Variants in CSMD1 observed in about 807,000 individuals in gnomAD.
CSMD1 encodes the protein CUB and Sushi multiple domains 1.
CSMD1 carries 213 observed loss-of-function variants against 417.5 expected under a neutral mutation model. That is an observed-to-expected ratio of 0.51 (90% CI 0.46 to 0.57). CSMD1 has a LOEUF of 0.57. CSMD1 is among the 20% of genes least tolerant of loss of function. CSMD1 has a pLI of 0.00. For synonymous variants in CSMD1, 2,862 were observed against 1,736.8 expected (o/e 1.65, Z -16.11); for missense variants, 6,923 against 4,529.7 (o/e 1.53, Z -15.17).
chr8:3,506,515 G>A (rs992524881), intron 10 of CSMD1, among the ~76,000 whole-genome samples: 4 of 152,168 alleles, frequency 2.6e-5, no homozygotes, highest in Admixed American at 6.5e-5. Context: ...AATGCTCTAT[G>A]GAGCAGCAGT....
chr8:3,307,797 G>A lies in CSMD1; in HGVS notation c.3848C>T (p.Ala1283Val), dbSNP rs766641974. 3 of 1,613,436 alleles carry A rather than the reference G, an allele frequency of 1.9e-6. No individual in the cohort carries two copies. The highest frequency in any genetic ancestry group is 2.2e-5 in the East Asian group (1 of 44,832). Residue 1283 changes from alanine (A) to valine (V), a missense_variant, in exon 25 of 70, where the codon GCA becomes GTA. Coordinates refer to ENST00000635120, the MANE Select transcript of CSMD1 (RefSeq NM_033225.6). ...GGACAATATTCGTCCTGATGTGGCT[G>A]CATGGATCTGACCACCACATTCCGC... ...CIAECGGQIH[A>V]ATSGRILSPG...
chr8:4,774,088 T>C (rs1425833592), intron 1 of CSMD1, among the ~76,000 whole-genome samples: 1 of 152,220 alleles, frequency 6.6e-6, no homozygotes, highest in African/African-American at 2.4e-5. Flanking sequence ...TCCCAGCTAC[T>C]CAGGAGGCTG....
chr8:4,533,234 G>A (rs1414769038), intron 2 of CSMD1, among the ~76,000 whole-genome samples: 1 of 152,184 alleles, frequency 6.6e-6, no homozygotes, highest in African/African-American at 2.4e-5. Context: ...GCTCAGTGGT[G>A]CTCCAAGAAG....
intron 64 of CSMD1, 128 bp from the exon 65 acceptor site, chr8:2,954,396 A>T: frequency 1.8e-6 from 1 of 551,050 alleles, no homozygotes; most frequent in Non-Finnish European, 3.2e-6. Context: ...TGAATACCTT[A>T]TACATATACA....
chr8:3,289,837 A>C (rs7829759), intron 25 of CSMD1, among the ~76,000 whole-genome samples: 130,014 of 146,622 alleles, frequency 0.89, 59,157 homozygotes, highest in Middle Eastern at 0.94. Flanking sequence ...TTAATTAGAT[A>C]CCATTTGTCA....
At chr8:3,952,488 A>C (rs1443640455) in intron 5 of CSMD1, among the ~76,000 whole-genome samples, 1 of 152,234 alleles carries the variant, frequency 6.6e-6, no homozygotes, top group African/African-American at 2.4e-5. Flanking sequence ...ACTTTCTAGT[A>C]CTAACAGATA....
intron 46 of CSMD1, among the ~76,000 whole-genome samples, chr8:3,102,803 T>C (rs1051936762): frequency 2.0e-5 from 3 of 152,236 alleles, no homozygotes; most frequent in African/African-American, 7.2e-5. Flanking sequence ...AGCGCCTTTA[T>C]ACAAAGCCTG....
At chr8:4,391,069 T>A (rs1803818100) in intron 3 of CSMD1, among the ~76,000 whole-genome samples, 1 of 152,316 alleles carries the variant, frequency 6.6e-6, no homozygotes, top group African/African-American at 2.4e-5. Context: ...CTAGGGTCGT[T>A]GTCTAGATCC....
At chr8:4,464,714 G>A (rs561530827) in intron 2 of CSMD1, among the ~76,000 whole-genome samples, 329 of 152,014 alleles carry the variant, frequency 2.2e-3, no homozygotes, top group Non-Finnish European at 3.2e-3. Context: ...GTGTTTTAAT[G>A]TATCTACACT....
At position 3,473,909 on chromosome 8, in the gene CSMD1, G is replaced by C. The variant is rs1186888545; in HGVS notation, c.1449-5085C>G. 2.0e-5 allele frequency among the ~76,000 whole-genome samples: 3 copies of C among 152,196 alleles called. No homozygotes were observed. The South Asian group carries it at 6.2e-4, about 32-fold the overall frequency. ...ATGGTAGAGGGTGAAAGGGAAGCAA[G>C]GCACGTCTTACATGGCAGGAGGAGA... On this transcript the variant is annotated intron_variant, in intron 11 of 69. Coordinates refer to ENST00000635120, the MANE Select transcript of CSMD1 (RefSeq NM_033225.6).
At position 4,362,927 on chromosome 8, in the gene CSMD1, T is replaced by G. The variant is rs140140093; in HGVS notation, c.415+57026A>C. 8.1e-4 allele frequency among the ~76,000 whole-genome samples: 123 copies of G among 152,330 alleles called. 4 individuals carry two copies. The East Asian group carries it at 0.022, about 28-fold the overall frequency. ...AAATGTAAAAGATTATTTCTTAAAC[T>G]GTTAGGACAAGTCTATGTAATTTAA... On this transcript the variant is annotated intron_variant, in intron 3 of 69. Transcript: ENST00000635120.
chr8:4,160,206 C>G (rs1170026022), intron 3 of CSMD1, among the ~76,000 whole-genome samples: 1 of 151,980 alleles, frequency 6.6e-6, no homozygotes, highest in East Asian at 1.9e-4. Context: ...TTTTATATAG[C>G]AAAAATCTGG....
chr8:4,234,334 G>A (rs1187213512), intron 3 of CSMD1, among the ~76,000 whole-genome samples: 1 of 152,126 alleles, frequency 6.6e-6, no homozygotes, highest in Non-Finnish European at 1.5e-5. Flanking sequence ...TTAGAAATGG[G>A]CCGAGGCTCC....
intron 1 of CSMD1, among the ~76,000 whole-genome samples, chr8:4,742,088 T>G (rs1810650038): frequency 7.7e-6 from 1 of 129,614 alleles, no homozygotes; most frequent in Non-Finnish European, 1.6e-5. Context: ...TGGAGTGCAG[T>G]GGCGCAATCT....
At position 3,023,847 on chromosome 8, in the gene CSMD1, G is replaced by T. The variant is rs1221788658; in HGVS notation, c.7856-5197C>A. 2.1e-5 allele frequency among the ~76,000 whole-genome samples: 3 copies of T among 145,670 alleles called. No individual in the cohort carries two copies. The East Asian group carries it at 6.0e-4, about 29-fold the overall frequency. ...GCAGGGCCACTCTAAAATGAACACT[G>T]GGGAGTCAAAAAAAAAAAAAAAAGG... On this transcript the variant is annotated intron_variant, in intron 51 of 69. Transcript: ENST00000635120.
rs1802933552 is a variant in CSMD1 at position 2,955,490 on chromosome 8, C to T, written c.9994+99G>A. On this transcript the variant is annotated intron_variant, in intron 64 of 69. Transcript: ENST00000635120. ...GGTGGCGATGCTGCAGCCTCATGCT[C>T]TTACTTATGGGTCTCACACGTGGAC... The T allele has an allele frequency of 3.4e-6, 4 of 1,182,648 alleles. No homozygotes were observed. The South Asian group carries it at 4.4e-5, about 13-fold the overall frequency. The allele number at this position is 1,182,648 out of a possible 1,614,324, so 73.3% of individuals were successfully genotyped here.
At position 4,379,623 on chromosome 8, in the gene CSMD1, T is replaced by A. The variant is rs151095228; in HGVS notation, c.415+40330A>T. Among the ~76,000 whole-genome samples, 1,009 of 151,802 alleles carry A rather than the reference T, an allele frequency of 6.6e-3. 10 individuals are homozygous for A. Among genetic ancestry groups the A allele is most frequent in the African/African-American group, 0.022 (915 of 41,426 alleles). On this transcript the variant is annotated intron_variant, in intron 3 of 69. Coordinates refer to ENST00000635120, the MANE Select transcript of CSMD1 (RefSeq NM_033225.6). Reference sequence around the variant, plus strand: ...AATGTTTGCAAGGTAAGCCATGAGATTTATTAACACCAAAATGAGTCTGCT... The same window carrying A: ...AATGTTTGCAAGGTAAGCCATGAGAATTATTAACACCAAAATGAGTCTGCT...
At chr8:4,286,065 C>T (rs894594963) in intron 3 of CSMD1, among the ~76,000 whole-genome samples, 2 of 151,980 alleles carry the variant, frequency 1.3e-5, no homozygotes, top group Admixed American at 6.6e-5. Context: ...TCCCTAAGTC[C>T]GAAATACAGC....
At chr8:3,891,412 G>A (rs532357638) in intron 5 of CSMD1, among the ~76,000 whole-genome samples, 2 of 152,212 alleles carry the variant, frequency 1.3e-5, no homozygotes, top group East Asian at 1.9e-4. Context: ...AGGTATGGTG[G>A]CTCACGCCTA....
Sources: allele counts gnomAD v4.1 joint callset (sites outside exome capture counted in the v4.1 genomes callset), GRCh38; gene constraint gnomAD v4.1.1; transcripts MANE v1.5; gene names NCBI Gene and HGNC (gene_info 2026-07-23, HGNC 2026-07-21).